TPCN1: variants seen among roughly 807,000 people sequenced by gnomAD.
TPCN1 encodes two pore segment channel 1.
In TPCN1, 52 loss-of-function variants were observed where a neutral mutation model predicts 108.8. That is an observed-to-expected ratio of 0.48 (90% CI 0.38 to 0.60). The LOEUF (loss-of-function observed/expected upper bound fraction) is 0.60. Ranked by LOEUF, TPCN1 falls within the 20% of genes least tolerant of loss-of-function variation. The probability of loss-of-function intolerance (pLI) is 0.00; values close to 1 mark genes in which losing one functional copy is unlikely to be tolerated. For missense variants in TPCN1, 806 were observed against 1,072.8 expected (o/e 0.75, Z 3.47); for synonymous variants, 446 against 433.7 (o/e 1.03, Z -0.35).
chr12:113,259,304 C>T (rs1043757962), intron 2 of TPCN1, among the ~76,000 whole-genome samples: 5 of 152,112 alleles, frequency 3.3e-5, no homozygotes, highest in East Asian at 3.8e-4. Context: ...TATCTTCCTT[C>T]GGGTGGATCA....
chr12:113,271,740 C>T (rs111700226), intron 7 of TPCN1, among the ~76,000 whole-genome samples: 3 of 152,328 alleles, frequency 2.0e-5, no homozygotes, highest in South Asian at 2.1e-4. Context: ...TCCCGGTGCT[C>T]ACGCTTGAGA....
At position 113,263,768 on chromosome 12, in the gene TPCN1, T is replaced by G. The variant is rs80019095; in HGVS notation, c.238-2412T>G. On this transcript the variant is annotated intron_variant, in intron 3 of 27. Transcript: ENST00000335509. ...TGACGCCTTTGAAACAGTACTCATTTCTGTGTGGACTTGGACCCCAGGGAG... is the reference window on the plus strand; with the variant it reads ...TGACGCCTTTGAAACAGTACTCATTGCTGTGTGGACTTGGACCCCAGGGAG... Among the ~76,000 whole-genome samples, 396 of 152,360 alleles carry G rather than the reference T, an allele frequency of 2.6e-3. 4 individuals are homozygous for G. The highest frequency in any genetic ancestry group is 8.9e-3 in the East Asian group (46 of 5,186).
chr12:113,279,372 TATATATATATATATATA>T (rs1566189315), intron 14 of TPCN1, among the ~76,000 whole-genome samples: 21 of 27,984 alleles, frequency 7.5e-4, no homozygotes, highest in African/African-American at 2.2e-3. Context: ...TATATATATA[TATATATATATATATATA>T]TATTTTTTTT....
At position 113,293,050 on chromosome 12, in the gene TPCN1, CT is replaced by C; in HGVS notation, c.2231del (p.Leu744ProfsTer25). 1 of 1,612,698 alleles carries C rather than the reference CT, an allele frequency of 6.2e-7. No individual in the cohort carries two copies. The highest frequency in any genetic ancestry group is 8.5e-7 in the Non-Finnish European group (1 of 1,179,698). Reference protein sequence around the residue: ...SSDVTRLLETLSQMERYQQHS... With the variant: ...SSDVTRLLETXSQMERYQQHS... ...GGATGTCACCAGGCTGCTGGAGACC[CT>C]CTCCCAGATGGAGAGATACCAGGTG... On this transcript the variant is annotated frameshift_variant, in exon 26 of 28. Coordinates refer to ENST00000335509, the MANE Select transcript of TPCN1 (RefSeq NM_017901.6). LOFTEE classifies it high-confidence loss of function.
chr12:113,272,778 A>T lies in TPCN1; in HGVS notation c.783+86A>T. ...GTCACCGGCGTGACCCTGTGGCCAT[A>T]TGGGGAAGGGGGGGCCTGCCTGGTT... On this transcript the variant is annotated intron_variant, in intron 8 of 27. Transcript: ENST00000335509. This position sits in a 1 kb window ranked among gnomAD's most constrained non-coding sequence, Gnocchi z 4.1. The T allele has an allele frequency of 7.3e-7, 1 of 1,362,024 alleles. No individual in the cohort carries two copies. The highest frequency in any genetic ancestry group is 1.1e-6 in the Non-Finnish European group (1 of 951,522). The allele number at this position is 1,362,024 out of a possible 1,614,324, so 84.4% of individuals were successfully genotyped here.
intron 13 of TPCN1, 87 bp downstream of exon 13, chr12:113,278,324 C>G (rs952389347): frequency 8.2e-7 from 1 of 1,221,174 alleles, no homozygotes; most frequent in Non-Finnish European, 1.2e-6. Flanking sequence ...CGAGATCCAG[C>G]TCTCTCCCTG....
At position 113,298,358 on chromosome 12, in the gene TPCN1, G is replaced by A. The variant is rs1956495235; in HGVS notation, c.*2282G>A. ...TGAGTGCACCCAAGTGGCACCCACT[G>A]GCGGCCAGGGGCACAGCCTGGTGGT... On this transcript the variant is annotated 3_prime_UTR_variant, in exon 28 of 28. Transcript: ENST00000335509. 1 of 152,314 alleles carries A rather than the reference G, an allele frequency of 6.6e-6. No individual in the cohort carries two copies. The highest frequency in any genetic ancestry group is 1.5e-5 in the Non-Finnish European group (1 of 68,104). The allele number at this position is 152,314 out of a possible 1,614,324, so 9.4% of individuals were successfully genotyped here.
intron 7 of TPCN1, among the ~76,000 whole-genome samples, chr12:113,270,463 T>C (rs899408287): frequency 2.0e-5 from 3 of 151,472 alleles, no homozygotes; most frequent in African/African-American, 4.9e-5. Flanking sequence ...CTCTGAGGCC[T>C]CTTTTTTGTT....
chr12:113,284,468 G>A lies in TPCN1; in HGVS notation c.1343-113G>A. 8.2e-7 allele frequency: 1 copy of A among 1,213,950 alleles called. No homozygotes were observed. Among genetic ancestry groups the A allele is most frequent in the East Asian group, 2.3e-5 (1 of 43,022 alleles). 75.2% of individuals were successfully genotyped at this position (1,213,950 alleles called of 1,614,324 possible). ...TCAAATGGGTGTGTGGAGCAGCCCT[G>A]TTCTCCCCATCCCGTAGAGCTCCAG... is the stretch of plus-strand genomic sequence containing the variant. On this transcript the variant is annotated intron_variant, in intron 15 of 27. Coordinates refer to ENST00000335509, the MANE Select transcript of TPCN1 (RefSeq NM_017901.6). The surrounding 1 kb of genome is among the most constrained non-coding windows in gnomAD (Gnocchi z 4.1).
Position 113,288,109 on chromosome 12 carries a change from G to A in TPCN1, c.1635-54G>A. ...GGCGGGGCCGGCATGTTCTGAGGGC[G>A]GGGGCTGAGGCGTGCACCTGTGTGT... On this transcript the variant is annotated intron_variant, in intron 19 of 27. Transcript: ENST00000335509. The surrounding 1 kb of genome is among the most constrained non-coding windows in gnomAD (Gnocchi z 4.8). The A allele has an allele frequency of 3.3e-6, 5 of 1,535,050 alleles. No homozygotes were observed. Among genetic ancestry groups the A allele is most frequent in the Admixed American group, 3.5e-5 (2 of 57,028 alleles).
chr12:113,234,197 A>G (rs1447156145), intron 2 of TPCN1, among the ~76,000 whole-genome samples: 6 of 152,220 alleles, frequency 3.9e-5, no homozygotes, highest in Non-Finnish European at 7.3e-5. Flanking sequence ...AAGGACAGCT[A>G]CAGTGTCACC....
At chr12:113,247,973 T>TC (rs1199169737) in intron 2 of TPCN1, among the ~76,000 whole-genome samples, 3 of 152,224 alleles carry the variant, frequency 2.0e-5, no homozygotes, top group Non-Finnish European at 2.9e-5. Flanking sequence ...CGCTGTTCTT[T>TC]CACCTTAGCT....
chr12:113,275,788 G>A (rs1955654458), intron 10 of TPCN1, among the ~76,000 whole-genome samples: 1 of 151,280 alleles, frequency 6.6e-6, no homozygotes, highest in African/African-American at 2.4e-5. Flanking sequence ...TTGTTAGCCA[G>A]GATGGTCTCA....
intron 2 of TPCN1, among the ~76,000 whole-genome samples, chr12:113,251,471 G>A (rs1268455906): frequency 6.6e-6 from 1 of 152,172 alleles, no homozygotes; most frequent in East Asian, 1.9e-4. Flanking sequence ...GTCCATTCCC[G>A]AGTCCTCGTT....
rs1288349951 is a variant in TPCN1 at position 113,288,289 on chromosome 12, C to T, written c.1706+55C>T. 1.3e-5 allele frequency: 21 copies of T among 1,610,804 alleles called. No homozygotes were observed. The highest frequency in any genetic ancestry group is 1.5e-5 in the Non-Finnish European group (18 of 1,178,998). On this transcript the variant is annotated intron_variant, in intron 20 of 27. Transcript: ENST00000335509. The surrounding 1 kb of genome is among the most constrained non-coding windows in gnomAD (Gnocchi z 4.8). ...GTCCAGGTGCCGTGTGGCAGTGCCC[C>T]GTGGGGGCGGGAGCCGAGTGGCAGT...
In TPCN1 at chr12:113,256,718, G is replaced by A. The variant is rs189958982; in HGVS notation, c.113-3650G>A. Among the ~76,000 whole-genome samples, 231 of 152,152 alleles carry A rather than the reference G, an allele frequency of 1.5e-3. 1 individual carries two copies. The highest frequency in any genetic ancestry group is 4.9e-3 in the African/African-American group (205 of 41,500). On this transcript the variant is annotated intron_variant, in intron 2 of 27. Coordinates refer to ENST00000335509, the MANE Select transcript of TPCN1 (RefSeq NM_017901.6). Reference sequence around the variant, plus strand: ...TCTTTTTTATTTTAATTTTTTTGTAGAGACAAGATCTCACTGCGTTGCCCA... The same window carrying A: ...TCTTTTTTATTTTAATTTTTTTGTAAAGACAAGATCTCACTGCGTTGCCCA...
intron 10 of TPCN1, among the ~76,000 whole-genome samples, chr12:113,275,647 A>T (rs1269177548): frequency 6.7e-6 from 1 of 149,804 alleles, no homozygotes; most frequent in Non-Finnish European, 1.5e-5. Flanking sequence ...ATCTCGGCTC[A>T]CTACAACCTC....
intron 2 of TPCN1, among the ~76,000 whole-genome samples, chr12:113,230,184 C>T (rs576138337): frequency 1.6e-4 from 24 of 151,792 alleles, no homozygotes; most frequent in Middle Eastern, 3.4e-3. Flanking sequence ...TTTTCTGCTT[C>T]GGTATCTTGA....
chr12:113,234,199 A>G (rs532316172), intron 2 of TPCN1, among the ~76,000 whole-genome samples: 2 of 152,174 alleles, frequency 1.3e-5, no homozygotes, highest in Non-Finnish European at 2.9e-5. Context: ...GGACAGCTAC[A>G]GTGTCACCAT....
Sources: allele counts gnomAD v4.1 joint callset (sites outside exome capture counted in the v4.1 genomes callset), GRCh38; gene constraint gnomAD v4.1.1; non-coding constraint Gnocchi (gnomAD v3.1); transcripts MANE v1.5; gene names NCBI Gene and HGNC (gene_info 2026-07-23, HGNC 2026-07-21).